SPARCL1: variants seen among roughly 807,000 people sequenced by gnomAD.
SPARCL1 encodes SPARC-like protein 1.
Under a neutral mutation model 67.1 loss-of-function variants are expected in SPARCL1, and 52 were observed. That is an observed-to-expected ratio of 0.78 (90% CI 0.62 to 0.98). The LOEUF (loss-of-function observed/expected upper bound fraction) is 0.98. Ranked by LOEUF, SPARCL1 falls within the 50% of genes least tolerant of loss-of-function variation. The pLI, the probability that SPARCL1 is intolerant of heterozygous loss-of-function variation, is 0.00. For synonymous variants in SPARCL1, 226 were observed against 267.8 expected (o/e 0.84, Z 1.52); for missense variants, 717 against 782.4 (o/e 0.92, Z 1.00).
chr4:87,490,145 C>G, intron 7 of SPARCL1, 128 bp downstream of exon 7: 1 of 1,003,142 alleles, frequency 1.0e-6, no homozygotes. Flanking sequence ...TAAGTTTCTC[C>G]AGTTGATAAT....
chr4:87,475,576 T>TA (rs1404823820), intron 10 of SPARCL1, among the ~76,000 whole-genome samples: 13 of 152,164 alleles, frequency 8.5e-5, no homozygotes, highest in Admixed American at 8.5e-4. Flanking sequence ...AATCCTCAAA[T>TA]ATGCATTTCA....
At chr4:87,476,179 C>T (rs537074451) in intron 10 of SPARCL1, among the ~76,000 whole-genome samples, 1 of 152,268 alleles carries the variant, frequency 6.6e-6, no homozygotes. Flanking sequence ...GAAGATGCCT[C>T]TATTTACCTC....
At chr4:87,485,130 CCTTGT>C (rs1332851337) in intron 7 of SPARCL1, among the ~76,000 whole-genome samples, 1 of 151,958 alleles carries the variant, frequency 6.6e-6, no homozygotes, top group African/African-American at 2.4e-5. Context: ...GAGAGGGCAT[CCTTGT>C]CTTGTGCTGG....
At chr4:87,492,906 C>T (rs1007062778) in intron 4 of SPARCL1, among the ~76,000 whole-genome samples, 3 of 152,186 alleles carry the variant, frequency 2.0e-5, no homozygotes, top group African/African-American at 4.8e-5. Flanking sequence ...TAAAGTAGGA[C>T]CTTAATCTTT....
chr4:87,505,489 A>G (rs1407841006), intron 1 of SPARCL1, among the ~76,000 whole-genome samples: 2 of 152,064 alleles, frequency 1.3e-5, no homozygotes, highest in African/African-American at 4.8e-5. Context: ...ATGTTTACTT[A>G]TTTATTCATT....
At chr4:87,522,868 C>A (rs1310908771) in intron 1 of SPARCL1, among the ~76,000 whole-genome samples, 1 of 152,008 alleles carries the variant, frequency 6.6e-6, no homozygotes, top group African/African-American at 2.4e-5. Context: ...CTCACGCCAC[C>A]AAATCCTGCC....
chr4:87,506,805 CTATCTATCT>C (rs1725101139), intron 1 of SPARCL1, among the ~76,000 whole-genome samples: 3 of 150,822 alleles, frequency 2.0e-5, no homozygotes, highest in Non-Finnish European at 2.9e-5. Context: ...ATCTATCTAT[CTATCTATCT>C]ATCTATCTAT....
chr4:87,527,325 T>C (rs1726089451), intron 1 of SPARCL1, among the ~76,000 whole-genome samples: 1 of 152,120 alleles, frequency 6.6e-6, no homozygotes, highest in Non-Finnish European at 1.5e-5. Flanking sequence ...GGGGGTCTCC[T>C]TCTCCACTGA....
intron 7 of SPARCL1, among the ~76,000 whole-genome samples, chr4:87,487,859 A>T (rs990389102): frequency 6.6e-6 from 1 of 152,178 alleles, no homozygotes. Context: ...TCAATCTCTG[A>T]TATCCTTTCT....
chr4:87,476,049 T>C, intron 10 of SPARCL1, among the ~76,000 whole-genome samples: 1 of 152,186 alleles, frequency 6.6e-6, no homozygotes. Flanking sequence ...GGCCAAACCA[T>C]AATTACTTTT....
At chr4:87,480,080 G>A (rs925537673) in intron 9 of SPARCL1, among the ~76,000 whole-genome samples, 1 of 151,798 alleles carries the variant, frequency 6.6e-6, no homozygotes, top group East Asian at 1.9e-4. Context: ...GTGATAAGGG[G>A]ACTTCAAAAA....
At chr4:87,519,941 C>T (rs1725736014) in intron 1 of SPARCL1, among the ~76,000 whole-genome samples, 1 of 152,006 alleles carries the variant, frequency 6.6e-6, no homozygotes, top group Non-Finnish European at 1.5e-5. Context: ...TTGGATATCA[C>T]AAAGGTAGCA....
intron 1 of SPARCL1, among the ~76,000 whole-genome samples, chr4:87,519,050 G>A (rs1364612663): frequency 6.6e-6 from 1 of 151,662 alleles, no homozygotes; most frequent in Non-Finnish European, 1.5e-5. Flanking sequence ...TATATCTCAG[G>A]GTACCTTCCT....
chr4:87,501,879 C>T (rs1007910455), intron 1 of SPARCL1, among the ~76,000 whole-genome samples: 2 of 151,914 alleles, frequency 1.3e-5, no homozygotes, highest in South Asian at 2.1e-4. Flanking sequence ...GTTGATTCTC[C>T]GATTTGCTAA....
intron 7 of SPARCL1, among the ~76,000 whole-genome samples, chr4:87,485,643 C>A (rs954197388): frequency 1.3e-5 from 2 of 151,706 alleles, no homozygotes; most frequent in South Asian, 4.2e-4. Flanking sequence ...AGGAATAGTA[C>A]CAGCTCCTCT....
intron 7 of SPARCL1, among the ~76,000 whole-genome samples, chr4:87,486,916 T>TTTTTTTTTTTTTTTTTTC (rs1724094363): frequency 1.3e-5 from 1 of 76,986 alleles, no homozygotes; most frequent in African/African-American, 4.8e-5. Flanking sequence ...TTTTTTTTTT[T>TTTTTTTTTTTTTTTTTTC]TTTTTTTTTT....
At chr4:87,474,854 T>C (rs1291881998) in intron 10 of SPARCL1, among the ~76,000 whole-genome samples, 1 of 150,962 alleles carries the variant, frequency 6.6e-6, no homozygotes, top group Non-Finnish European at 1.5e-5. Flanking sequence ...GCCATTCTCC[T>C]GCCTCAGCCT....
intron 1 of SPARCL1, among the ~76,000 whole-genome samples, chr4:87,509,488 C>G (rs1725257060): frequency 6.6e-6 from 1 of 152,142 alleles, no homozygotes. Flanking sequence ...AATTCTTGAT[C>G]TGAGGTTTGA....
At chr4:87,488,408 G>T (rs1419847197) in intron 7 of SPARCL1, among the ~76,000 whole-genome samples, 2 of 152,138 alleles carry the variant, frequency 1.3e-5, no homozygotes, top group African/African-American at 4.8e-5. Context: ...GTTTGCCTGG[G>T]TGTCACCAGC....
Sources: gnomAD v4.1 joint callset for allele counts (sites outside exome capture counted in the v4.1 genomes callset) on GRCh38, gnomAD v4.1.1 for gene constraint, MANE v1.5 for transcripts, NCBI Gene and HGNC (gene_info 2026-07-23, HGNC 2026-07-21) for gene names.